C2orf69: variants seen among roughly 807,000 people sequenced by gnomAD.
C2orf69 encodes chromosome 2 open reading frame 69, also known as mitochondrial protein C2orf69.
C2orf69 carries 19 observed loss-of-function variants against 29.5 expected under a neutral mutation model. The ratio of observed to expected loss-of-function variants is 0.65; its 90% CI spans 0.45 to 0.95. The LOEUF (loss-of-function observed/expected upper bound fraction) is 0.95, where lower values mean the gene tolerates loss of function less well. Among genes scored for constraint, C2orf69 ranks in the 40% least tolerant of loss-of-function variants. C2orf69 has a pLI of 0.00. For missense variants in C2orf69, 416 were observed against 482.1 expected, an observed-to-expected ratio of 0.86 and a Z score of 1.28; for synonymous variants, 194 against 180.0, an observed-to-expected ratio of 1.08 and a Z score of -0.62.
chr2:199,912,751 G>A (rs1186516578), intron 1 of C2orf69, among the ~76,000 whole-genome samples: 1 of 151,878 alleles, frequency 6.6e-6, no homozygotes, highest in East Asian at 1.9e-4. Context: ...AGTGATTCTC[G>A]TGCCTCAGCC....
intron 1 of C2orf69, among the ~76,000 whole-genome samples, chr2:199,911,983 G>A (rs767488289): frequency 6.6e-6 from 1 of 152,180 alleles, no homozygotes; most frequent in East Asian, 1.9e-4. Context: ...CATGGGGAAG[G>A]TGTCCGACGA....
chr2:199,913,183 TTATA>T (rs1229547404), intron 1 of C2orf69, among the ~76,000 whole-genome samples: 2 of 108,246 alleles, frequency 1.8e-5, no homozygotes, highest in East Asian at 2.3e-4. Flanking sequence ...ATATATAAAA[TTATA>T]TATATTATAT....
At chr2:199,917,173 G>C (rs2077296226) in intron 1 of C2orf69, among the ~76,000 whole-genome samples, 1 of 152,190 alleles carries the variant, frequency 6.6e-6, no homozygotes, top group African/African-American at 2.4e-5. Flanking sequence ...GGGACACAGG[G>C]CACCAAGTTT....
intron 1 of C2orf69, among the ~76,000 whole-genome samples, chr2:199,919,199 C>T (rs2077304717): frequency 6.6e-6 from 1 of 152,226 alleles, no homozygotes; most frequent in African/African-American, 2.4e-5. Context: ...AAGTGATCCT[C>T]CTGCCTTGGC....
At position 199,925,737 on chromosome 2, in the gene C2orf69, C is replaced by G. The variant is rs781605495; in HGVS notation, c.1009C>G (p.Arg337Gly). 1 of 1,613,872 alleles carries G rather than the reference C, an allele frequency of 6.2e-7. No individual in the cohort carries two copies. The highest frequency in any genetic ancestry group is 8.5e-7 in the Non-Finnish European group (1 of 1,179,834). ...VHTHVTPYQV[R>G]DPMRSWIGKE... ...CACTCATGTAACACCTTACCAAGTA[C>G]GTGATCCAATGAGATCTTGGATTGG... The change falls in exon 2 of 2, where the codon CGT becomes GGT. Residue 337 changes from arginine to glycine, a missense_variant. By Grantham distance (125) the Arg-to-Gly change is moderately radical. Transcript: ENST00000319974. This position sits in a 1 kb window ranked among gnomAD's most constrained non-coding sequence, Gnocchi z 4.9.
At chr2:199,921,454 G>C (rs1228436089) in intron 1 of C2orf69, among the ~76,000 whole-genome samples, 1 of 152,114 alleles carries the variant, frequency 6.6e-6, no homozygotes, top group African/African-American at 2.4e-5. Context: ...AGTTAACAAT[G>C]TTTAACCTGA....
intron 1 of C2orf69, among the ~76,000 whole-genome samples, chr2:199,914,424 C>T (rs2077285741): frequency 1.3e-5 from 2 of 152,112 alleles, no homozygotes; most frequent in South Asian, 4.1e-4. Flanking sequence ...TGAAGTCATC[C>T]ATTAGAACTG....
At position 199,911,338 on chromosome 2, in the gene C2orf69, C is replaced by A. The variant is rs2077255309; in HGVS notation, c.-101C>A. On this transcript the variant is annotated 5_prime_UTR_variant, in exon 1 of 2. Transcript: ENST00000319974. ...CGCCGGCTCCCGGCCGGGCCGCGGCCGCCGACCGTTGAGCCGCCGGCTGAG... is the reference window on the plus strand; with the variant it reads ...CGCCGGCTCCCGGCCGGGCCGCGGCAGCCGACCGTTGAGCCGCCGGCTGAG... 7.5e-7 allele frequency: 1 copy of A among 1,338,318 alleles called. No individual in the cohort carries two copies. The highest frequency in any genetic ancestry group is 9.6e-7 in the Non-Finnish European group (1 of 1,042,142). 82.9% of individuals were successfully genotyped at this position (1,338,318 alleles called of 1,614,324 possible).
In C2orf69 at chr2:199,911,765, T is replaced by C; in HGVS notation, c.327T>C (p.Asp109=). The change falls in exon 1 of 2, where the codon GAT becomes GAC. Residue 109 remains aspartate (D), a synonymous_variant. Transcript: ENST00000319974. ...PQHHVLYFPG[D]VQNYHEIMTR... ...ATCACGTCCTCTATTTCCCTGGGGA[T>C]GTGCAGGTAACTCGGGGCCTGCCTG... 1 of 1,538,808 alleles carries C rather than the reference T, an allele frequency of 6.5e-7. No homozygotes were observed. The highest frequency in any genetic ancestry group is 8.7e-7 in the Non-Finnish European group (1 of 1,146,898).
In C2orf69 at chr2:199,926,871, A is replaced by G. The variant is rs776100241; in HGVS notation, c.*985A>G. 4.6e-5 allele frequency: 7 copies of G among 152,614 alleles called. No homozygotes were observed. The highest frequency in any genetic ancestry group is 1.0e-4 in the Non-Finnish European group (7 of 68,020). 9.5% of individuals were successfully genotyped at this position (152,614 alleles called of 1,614,324 possible). A position where few individuals can be genotyped will look rare whatever the true frequency, so the allele number is the denominator to read the frequency against. Reference sequence around the variant, plus strand: ...TATATCAGTCTTTTTGAAAGGATCAACTTGGATAAAATAAATATATAATGC... The same window carrying G: ...TATATCAGTCTTTTTGAAAGGATCAGCTTGGATAAAATAAATATATAATGC... On this transcript the variant is annotated 3_prime_UTR_variant, in exon 2 of 2. Transcript: ENST00000319974.
chr2:199,925,978 G>A lies in C2orf69; in HGVS notation c.*92G>A. 1.2e-6 allele frequency: 1 copy of A among 833,536 alleles called. No homozygotes were observed. The highest frequency in any genetic ancestry group is 1.9e-6 in the Non-Finnish European group (1 of 540,370). 51.6% of individuals were successfully genotyped at this position (833,536 alleles called of 1,614,324 possible). On this transcript the variant is annotated 3_prime_UTR_variant, in exon 2 of 2. Transcript: ENST00000319974. This position sits in a 1 kb window ranked among gnomAD's most constrained non-coding sequence, Gnocchi z 4.9. ...AGATAATGGGATGTAATTCATAGCT[G>A]CATTGTCAGTTTTGGGGTATGGGGG... is the stretch of plus-strand genomic sequence containing the variant.
chr2:199,914,924 A>G (rs2077287583), intron 1 of C2orf69, among the ~76,000 whole-genome samples: 1 of 152,064 alleles, frequency 6.6e-6, no homozygotes, highest in African/African-American at 2.4e-5. Context: ...ATTATTACCC[A>G]TTGCATTTAC....
At chr2:199,921,225 T>G (rs989315508) in intron 1 of C2orf69, among the ~76,000 whole-genome samples, 2 of 151,680 alleles carry the variant, frequency 1.3e-5, no homozygotes, top group African/African-American at 4.8e-5. Context: ...CAGGATGGTC[T>G]CCCATCTCCT....
Position 199,925,484 on chromosome 2 carries a change from A to T in C2orf69, c.756A>T (p.Ser252=). The change falls in exon 2 of 2, where the codon TCA becomes TCT. Residue 252 remains serine, a synonymous_variant. Transcript: ENST00000319974. The surrounding 1 kb of genome is among the most constrained non-coding windows in gnomAD (Gnocchi z 4.9). ...CTGCCATGAGTTTTTATCCACCATCACTAAATGACGCATCTTTTACTTTGA... is the reference window on the plus strand; with the variant it reads ...CTGCCATGAGTTTTTATCCACCATCTCTAAATGACGCATCTTTTACTTTGA... ...DESAMSFYPP[S]LNDASFTLIG... 1 of 1,613,856 alleles carries T rather than the reference A, an allele frequency of 6.2e-7. No homozygotes were observed. The highest frequency in any genetic ancestry group is 8.5e-7 in the Non-Finnish European group (1 of 1,179,870).
intron 1 of C2orf69, among the ~76,000 whole-genome samples, chr2:199,913,047 A>G (rs957522550): frequency 1.3e-4 from 19 of 148,352 alleles, no homozygotes; most frequent in Non-Finnish European, 2.4e-4. Context: ...TGATTAAGAT[A>G]TAGATATAGA....
At chr2:199,911,837 T>C (rs2077263884) in intron 1 of C2orf69, 66 bp downstream of exon 1, 1 of 1,531,732 alleles carries the variant, frequency 6.5e-7, no homozygotes, top group Admixed American at 2.0e-5. Context: ...TCACTGATTC[T>C]TCCCTCGTGG....
chr2:199,913,841 C>A (rs2077283726), intron 1 of C2orf69, among the ~76,000 whole-genome samples: 1 of 151,900 alleles, frequency 6.6e-6, no homozygotes, highest in African/African-American at 2.4e-5. Flanking sequence ...TTATTGAGCA[C>A]CTCCTAAGTG....
chr2:199,917,012 A>G (rs2077295081), intron 1 of C2orf69, among the ~76,000 whole-genome samples: 1 of 152,188 alleles, frequency 6.6e-6, no homozygotes, highest in Non-Finnish European at 1.5e-5. Flanking sequence ...GTTTTCATAC[A>G]TCCTCTGAAA....
At chr2:199,920,349 A>G (rs2077310950) in intron 1 of C2orf69, among the ~76,000 whole-genome samples, 1 of 152,164 alleles carries the variant, frequency 6.6e-6, no homozygotes, top group Non-Finnish European at 1.5e-5. Context: ...TACTGCATAC[A>G]GTTCCTTAGA....
Sources: allele counts gnomAD v4.1 joint callset (sites outside exome capture counted in the v4.1 genomes callset), GRCh38; gene constraint gnomAD v4.1.1; non-coding constraint Gnocchi (gnomAD v3.1); transcripts MANE v1.5; gene names NCBI Gene and HGNC (gene_info 2026-07-23, HGNC 2026-07-21).